LBP: variants seen among roughly 807,000 people sequenced by gnomAD.
LBP encodes the protein lipopolysaccharide-binding protein.
In LBP, 53 loss-of-function variants were observed where a neutral mutation model predicts 56.6. The ratio of observed to expected loss-of-function variants is 0.94; its 90% CI spans 0.75 to 1.18. LBP has a LOEUF of 1.18. Ranked by LOEUF, LBP falls within the 50% of genes most tolerant of loss-of-function variation. The probability of loss-of-function intolerance (pLI) is 0.00; values close to 1 mark genes in which losing one functional copy is unlikely to be tolerated. For synonymous variants in LBP, 227 were observed against 247.5 expected, an observed-to-expected ratio of 0.92 and a Z score of 0.78; for missense variants, 601 against 598.3, an observed-to-expected ratio of 1.00 and a Z score of -0.05.
intron 4 of LBP, among the ~76,000 whole-genome samples, chr20:38,355,086 C>G (rs1056797045): frequency 3.9e-5 from 6 of 152,094 alleles, no homozygotes; most frequent in African/African-American, 1.4e-4. Flanking sequence ...TGTCCCCCAC[C>G]CCCCCGCAAA....
intron 5 of LBP, 84 bp downstream of exon 5, chr20:38,355,493 G>C: frequency 8.2e-7 from 1 of 1,212,692 alleles, no homozygotes; most frequent in South Asian, 1.2e-5. Flanking sequence ...CCTGGACCAG[G>C]CCATGGGGGC....
chr20:38,370,682 T>A, intron 10 of LBP, 56 bp from the exon 11 acceptor site: 3 of 1,470,764 alleles, frequency 2.0e-6, no homozygotes. Context: ...TCATCATCCT[T>A]CCTATACATA....
In LBP at chr20:38,355,265, C is replaced by T. The variant is rs981763151; in HGVS notation, c.525-81C>T. On this transcript the variant is annotated intron_variant, in intron 4 of 14. Coordinates refer to ENST00000217407, the MANE Select transcript of LBP (RefSeq NM_004139.5). Reference sequence around the variant, plus strand: ...GGAGAGGGCTCCCTTTGTGGACTGGCCTGACCAGGGACCAGGGCCTGGCTT... The same window carrying T: ...GGAGAGGGCTCCCTTTGTGGACTGGTCTGACCAGGGACCAGGGCCTGGCTT... 5.4e-6 allele frequency: 7 copies of T among 1,289,912 alleles called. No homozygotes were observed. In the African/African-American group the frequency reaches 1.0e-4, roughly 19 times the overall value. The allele number at this position is 1,289,912 out of a possible 1,614,324, so 79.9% of individuals were successfully genotyped here.
chr20:38,358,413 G>A (rs966606741), intron 5 of LBP, among the ~76,000 whole-genome samples: 1 of 152,084 alleles, frequency 6.6e-6, no homozygotes, highest in East Asian at 1.9e-4. Flanking sequence ...CCAGTCCTTC[G>A]GGTCCCTAAA....
At chr20:38,366,486 AAAGTCAG>A (rs2076882367) in intron 8 of LBP, among the ~76,000 whole-genome samples, 2 of 152,190 alleles carry the variant, frequency 1.3e-5, no homozygotes. Context: ...CTGAGATCAC[AAAGTCAG>A]GACACAAACC....
intron 3 of LBP, 31 bp downstream of exon 3, chr20:38,350,970 C>A: frequency 6.2e-7 from 1 of 1,607,686 alleles, no homozygotes; most frequent in East Asian, 2.2e-5. Context: ...GGCCCTGGAG[C>A]TCTTGGCCTT....
chr20:38,365,050 C>A (rs1312804679), intron 8 of LBP, among the ~76,000 whole-genome samples: 1 of 151,928 alleles, frequency 6.6e-6, no homozygotes, highest in East Asian at 1.9e-4. Context: ...GCCTGGCCAA[C>A]ATGGCAAAAA....
At chr20:38,354,078 A>G (rs545276456) in intron 3 of LBP, among the ~76,000 whole-genome samples, 1 of 152,206 alleles carries the variant, frequency 6.6e-6, no homozygotes, top group Admixed American at 6.5e-5. Flanking sequence ...AGACTTGGAT[A>G]TTGCCTAGAA....
chr20:38,368,713 A>G (rs915404447), intron 9 of LBP, among the ~76,000 whole-genome samples: 1 of 152,192 alleles, frequency 6.6e-6, no homozygotes, highest in African/African-American at 2.4e-5. Flanking sequence ...TGGTCATTAT[A>G]ATGGCAAAAC....
chr20:38,374,545 C>T (rs541275493), intron 14 of LBP, among the ~76,000 whole-genome samples: 12 of 147,622 alleles, frequency 8.1e-5, no homozygotes, highest in East Asian at 2.0e-4. Context: ...TGCAGTGAGC[C>T]GAGATCACGC....
chr20:38,372,471 T>C (rs2076903894), intron 12 of LBP, among the ~76,000 whole-genome samples: 1 of 152,174 alleles, frequency 6.6e-6, no homozygotes, highest in South Asian at 2.1e-4. Context: ...CAAAAATCCA[T>C]CCTGTCGGGT....
In LBP at chr20:38,369,011, C is replaced by G. The variant is rs2232613; in HGVS notation, c.998C>G (p.Pro333Arg). The G allele has an allele frequency of 1.2e-6, 2 of 1,613,466 alleles. No homozygotes were observed. Among genetic ancestry groups the G allele is most frequent in the Non-Finnish European group, 1.7e-6 (2 of 1,179,578 alleles). The part of the protein sequence containing the change: ...PFVPRLARLY[P>R]NMNLELQGSV... ...TGCTCCCAGTTAGCCAGGCTCTACCCCAACATGAACCTGGAACTCCAGGGA... is the reference window on the plus strand; with the variant it reads ...TGCTCCCAGTTAGCCAGGCTCTACCGCAACATGAACCTGGAACTCCAGGGA... The change falls in exon 10 of 15, where the codon CCC becomes CGC. Residue 333 changes from proline to arginine, a missense_variant. Transcript: ENST00000217407.
chr20:38,370,907 A>G lies in LBP; in HGVS notation c.1217+102A>G, dbSNP rs1027107157. Reference sequence around the variant, plus strand: ...GTGGGAGGGGGGGCCACCATTTGGAAAGGACACTTACATTTCACCCCAATT... The same window carrying G: ...GTGGGAGGGGGGGCCACCATTTGGAGAGGACACTTACATTTCACCCCAATT... On this transcript the variant is annotated intron_variant, in intron 11 of 14. Coordinates refer to ENST00000217407, the MANE Select transcript of LBP (RefSeq NM_004139.5). 6 of 961,582 alleles carry G rather than the reference A, an allele frequency of 6.2e-6. No homozygotes were observed. The African/African-American group carries it at 8.0e-5, about 13-fold the overall frequency. The allele number at this position is 961,582 out of a possible 1,614,324, so 59.6% of individuals were successfully genotyped here.
chr20:38,375,009 C>T (rs2122630854), intron 14 of LBP, among the ~76,000 whole-genome samples: 1 of 146,714 alleles, frequency 6.8e-6, no homozygotes, highest in East Asian at 2.0e-4. Flanking sequence ...GCTGGCCAGG[C>T]TGGTCTCAAA....
chr20:38,352,220 T>A (rs1481120718), intron 3 of LBP, among the ~76,000 whole-genome samples: 1 of 152,142 alleles, frequency 6.6e-6, no homozygotes, highest in East Asian at 1.9e-4. Flanking sequence ...GTACTGGGGA[T>A]CAGAGCTTCA....
At chr20:38,371,194 C>T (rs1195307602) in intron 11 of LBP, 86 bp from the exon 12 acceptor site, 1 of 1,063,380 alleles carries the variant, frequency 9.4e-7, no homozygotes, top group African/African-American at 1.6e-5. Context: ...CCTTCTCAAG[C>T]CCATCCTTTC....
chr20:38,352,038 T>TAAAAAAA (rs1326621621), intron 3 of LBP, among the ~76,000 whole-genome samples: 1 of 120,130 alleles, frequency 8.3e-6, no homozygotes. Context: ...ACTCCATCTC[T>TAAAAAAA]AAAAAAAAAA....
chr20:38,376,080 G>C (rs897261076), intron 14 of LBP, among the ~76,000 whole-genome samples: 1 of 152,200 alleles, frequency 6.6e-6, no homozygotes, highest in Admixed American at 6.5e-5. Context: ...GTGGGCTTTT[G>C]TGATGATTTA....
At chr20:38,374,085 G>A in intron 14 of LBP, 72 bp downstream of exon 14, 2 of 1,473,372 alleles carry the variant, frequency 1.4e-6, no homozygotes, top group Non-Finnish European at 1.9e-6. Context: ...TTGGGGCCAT[G>A]ATTCATGGGT....
Sources: gnomAD v4.1 joint callset for allele counts (sites outside exome capture counted in the v4.1 genomes callset) on GRCh38, gnomAD v4.1.1 for gene constraint, MANE v1.5 for transcripts, NCBI Gene and HGNC (gene_info 2026-07-23, HGNC 2026-07-21) for gene names.